NSMCE2: variants seen among roughly 807,000 people sequenced by gnomAD.
The protein encoded by NSMCE2 is E3 SUMO-protein ligase NSE2.
Under a neutral mutation model 23.8 loss-of-function variants are expected in NSMCE2, and 24 were observed. That is an observed-to-expected ratio of 1.01 (90% CI 0.73 to 1.42). The LOEUF (loss-of-function observed/expected upper bound fraction) is 1.42. NSMCE2 is among the 40% of genes most tolerant of loss of function. The pLI is 0.00. For synonymous variants in NSMCE2, 92 were observed against 94.1 expected, an observed-to-expected ratio of 0.98 and a Z score of 0.13; for missense variants, 284 against 296.5, an observed-to-expected ratio of 0.96 and a Z score of 0.31.
At chr8:125,100,365 A>G (rs1425237584) in intron 1 of NSMCE2, among the ~76,000 whole-genome samples, 1 of 151,900 alleles carries the variant, frequency 6.6e-6, no homozygotes, top group Non-Finnish European at 1.5e-5. Context: ...TTACCCTTCC[A>G]TCTGTTAAAC....
intron 5 of NSMCE2, among the ~76,000 whole-genome samples, chr8:125,337,556 T>A (rs777294333): frequency 1.3e-5 from 2 of 152,222 alleles, no homozygotes; most frequent in African/African-American, 4.8e-5. Context: ...TAAGGTAGAA[T>A]GTTATGCAAG....
intron 5 of NSMCE2, among the ~76,000 whole-genome samples, chr8:125,224,228 T>C (rs558402289): frequency 1.3e-5 from 2 of 152,364 alleles, no homozygotes; most frequent in African/African-American, 4.8e-5. Context: ...TTATCACATG[T>C]ATGCTTCGCA....
chr8:125,192,945 T>G (rs528759803), intron 5 of NSMCE2, among the ~76,000 whole-genome samples: 18 of 152,336 alleles, frequency 1.2e-4, no homozygotes, highest in Admixed American at 5.9e-4. Flanking sequence ...TAAGGAGATG[T>G]TCTGAAGTAA....
chr8:125,141,594 A>G (rs972595035), intron 3 of NSMCE2, among the ~76,000 whole-genome samples: 1 of 152,204 alleles, frequency 6.6e-6, no homozygotes, highest in Admixed American at 6.5e-5. Context: ...GGTGCCTGGC[A>G]CAGACTCAGT....
intron 5 of NSMCE2, among the ~76,000 whole-genome samples, chr8:125,186,426 C>T (rs1823107853): frequency 6.6e-6 from 1 of 151,968 alleles, no homozygotes; most frequent in Non-Finnish European, 1.5e-5. Context: ...TCCCTGAATA[C>T]CATCCATTTG....
chr8:125,219,459 A>ACTGCTG (rs756816675), intron 5 of NSMCE2, among the ~76,000 whole-genome samples: 1 of 152,106 alleles, frequency 6.6e-6, no homozygotes, highest in Non-Finnish European at 1.5e-5. Context: ...TGAGTCATTT[A>ACTGCTG]CTGCTGCTGC....
At chr8:125,323,811 T>A (rs1829543299) in intron 5 of NSMCE2, among the ~76,000 whole-genome samples, 1 of 152,134 alleles carries the variant, frequency 6.6e-6, no homozygotes, top group South Asian at 2.1e-4. Flanking sequence ...TTAGACTTCA[T>A]CAAAATTAGG....
At chr8:125,205,821 T>C (rs1156468981) in intron 5 of NSMCE2, among the ~76,000 whole-genome samples, 1 of 152,158 alleles carries the variant, frequency 6.6e-6, no homozygotes, top group Non-Finnish European at 1.5e-5. Flanking sequence ...TAATAAAATA[T>C]GCTATCTCTG....
At chr8:125,267,366 G>T (rs951504518) in intron 5 of NSMCE2, among the ~76,000 whole-genome samples, 1 of 152,156 alleles carries the variant, frequency 6.6e-6, no homozygotes, top group Non-Finnish European at 1.5e-5. Context: ...AGACAAATAT[G>T]TGTAAAGGCT....
chr8:125,357,235 CAG>C lies in NSMCE2; in HGVS notation c.439_440del (p.Glu147SerfsTer2). The stretch of plus-strand genomic sequence containing the variant: ...TTCCTCTAGGTGGTCTTCAAGCTGA[CAG>C]AGAAGCTGACGGAACAGAAGGAGTG... ...LKKQCGLQAD[R>X]EADGTEGVDE... On this transcript the variant is annotated frameshift_variant, in exon 6 of 8. Transcript: ENST00000287437. LOFTEE classifies it high-confidence loss of function. The C allele has an allele frequency of 6.2e-7, 1 of 1,612,324 alleles. No individual in the cohort carries two copies.
intron 5 of NSMCE2, among the ~76,000 whole-genome samples, chr8:125,191,137 A>T (rs6470342): frequency 6.6e-6 from 1 of 151,896 alleles, no homozygotes; most frequent in African/African-American, 2.4e-5. Context: ...CTCCCAAAGC[A>T]CTGGGATTAC....
chr8:125,243,768 A>T (rs1406991011), intron 5 of NSMCE2, among the ~76,000 whole-genome samples: 1 of 152,202 alleles, frequency 6.6e-6, no homozygotes, highest in Non-Finnish European at 1.5e-5. Flanking sequence ...CTTTGTATCC[A>T]ATTACCTAAT....
At chr8:125,153,056 C>CAAAAAA (rs768246218) in intron 4 of NSMCE2, among the ~76,000 whole-genome samples, 13 of 47,454 alleles carry the variant, frequency 2.7e-4, no homozygotes, top group Non-Finnish European at 3.4e-4. Flanking sequence ...GACTCCGTCT[C>CAAAAAA]AAAAAAAAAA....
At chr8:125,117,923 T>C (rs1819093978) in intron 3 of NSMCE2, among the ~76,000 whole-genome samples, 1 of 152,358 alleles carries the variant, frequency 6.6e-6, no homozygotes, top group Non-Finnish European at 1.5e-5. Context: ...AGGAAGTTAC[T>C]TTCCAAAATG....
At chr8:125,232,175 A>G (rs1431777289) in intron 5 of NSMCE2, among the ~76,000 whole-genome samples, 1 of 152,138 alleles carries the variant, frequency 6.6e-6, no homozygotes, top group Non-Finnish European at 1.5e-5. Flanking sequence ...AGCCTGACCA[A>G]CATGGAGAAA....
At chr8:125,123,082 AG>A (rs1051603972) in intron 3 of NSMCE2, among the ~76,000 whole-genome samples, 1 of 152,234 alleles carries the variant, frequency 6.6e-6, no homozygotes, top group Non-Finnish European at 1.5e-5. Flanking sequence ...ATACCTGAAA[AG>A]GGATTATAGG....
chr8:125,309,904 C>A (rs1203208979), intron 5 of NSMCE2, among the ~76,000 whole-genome samples: 1 of 152,100 alleles, frequency 6.6e-6, no homozygotes, highest in Non-Finnish European at 1.5e-5. Context: ...ACAAGAAGCA[C>A]CAGTCTGTGG....
At chr8:125,221,371 G>C (rs978078948) in intron 5 of NSMCE2, among the ~76,000 whole-genome samples, 13 of 152,188 alleles carry the variant, frequency 8.5e-5, no homozygotes, top group African/African-American at 3.1e-4. Flanking sequence ...TCAGACCTGA[G>C]TAGCTGGGAT....
intron 5 of NSMCE2, among the ~76,000 whole-genome samples, chr8:125,316,588 TTTTC>T (rs944103754): frequency 5.3e-5 from 8 of 151,936 alleles, no homozygotes; most frequent in Middle Eastern, 3.2e-3. Context: ...CTTTCTTTTC[TTTTC>T]TTTCTTTCCT....
Sources: allele counts gnomAD v4.1 joint callset (sites outside exome capture counted in the v4.1 genomes callset), GRCh38; gene constraint gnomAD v4.1.1; transcripts MANE v1.5; gene names NCBI Gene and HGNC (gene_info 2026-07-23, HGNC 2026-07-21).